Variants in KCNQ3 observed in about 807,000 individuals in gnomAD.
KCNQ3 encodes potassium voltage-gated channel subfamily KQT member 3.
In KCNQ3, 30 loss-of-function variants were observed where a neutral mutation model predicts 92.5. That is an observed-to-expected ratio of 0.32 (90% CI 0.24 to 0.44). The LOEUF is 0.44. Ranked by LOEUF, KCNQ3 falls within the 20% of genes least tolerant of loss-of-function variation. The pLI is 1.00. For missense variants in KCNQ3, 913 were observed against 1,140.3 expected (o/e 0.80, Z 2.87); for synonymous variants, 450 against 468.8 (o/e 0.96, Z 0.52).
At position 132,303,581 on chromosome 8, in the gene KCNQ3, G is replaced by GATATATATATA. The variant is rs1563849732; in HGVS notation, c.387-117401_387-117400insTATATATATAT. On this transcript the variant is annotated intron_variant, in intron 1 of 14. Transcript: ENST00000388996. ...AGAAAATGTGATATATATATATATG[G>GATATATATATA]TGTGTGTGTATATATATATGGTGTG... Among the ~76,000 whole-genome samples, 19 of 19,576 alleles carry GATATATATATA rather than the reference G, an allele frequency of 9.7e-4. 2 individuals carry two copies. The highest frequency in any genetic ancestry group is 4.2e-3 in the African/African-American group (18 of 4,258). 12.8% of individuals were successfully genotyped at this position (19,576 alleles called of 152,430 possible).
intron 6 of KCNQ3, 56 bp from the exon 7 acceptor site, chr8:132,172,749 C>A: frequency 1.6e-6 from 2 of 1,272,994 alleles, no homozygotes; most frequent in Non-Finnish European, 2.3e-6. Context: ...CCAGCATTCC[C>A]GCTCCATTGC....
At chr8:132,278,217 C>CAA in intron 1 of KCNQ3, 2 of 984,718 alleles carry the variant, frequency 2.0e-6, no homozygotes, top group Non-Finnish European at 2.4e-6. Flanking sequence ...AGACCAAAGA[C>CAA]AAAATTAGCA....
intron 1 of KCNQ3, among the ~76,000 whole-genome samples, chr8:132,327,755 A>T (rs1179756237): frequency 6.6e-6 from 1 of 152,222 alleles, no homozygotes; most frequent in Non-Finnish European, 1.5e-5. Flanking sequence ...AAGAGGCCTA[A>T]GGGGAAACCC....
chr8:132,203,863 A>T (rs183387257), intron 1 of KCNQ3, among the ~76,000 whole-genome samples: 196 of 152,356 alleles, frequency 1.3e-3, no homozygotes, highest in Non-Finnish European at 2.2e-3. Context: ...ATTATCACAT[A>T]ACATGGTGCC....
intron 1 of KCNQ3, among the ~76,000 whole-genome samples, chr8:132,392,023 C>A (rs182104991): frequency 1.3e-5 from 2 of 152,294 alleles, no homozygotes; most frequent in East Asian, 3.9e-4. Context: ...TTTATCGGCA[C>A]GCATCCTGCT....
chr8:132,338,696 C>A (rs116918729), intron 1 of KCNQ3, among the ~76,000 whole-genome samples: 22 of 152,098 alleles, frequency 1.4e-4, no homozygotes, highest in Admixed American at 2.0e-4. Context: ...AGGAACACAC[C>A]GGTTGTTTGT....
chr8:132,355,439 T>G lies in KCNQ3; in HGVS notation c.386+124708A>C. ...AGGCCCCTGACCCAAGCTGAGCCAA[T>G]CAGAATAGTTCACTCTCTGTCACAG... On this transcript the variant is annotated intron_variant, in intron 1 of 14. Coordinates refer to ENST00000388996, the MANE Select transcript of KCNQ3 (RefSeq NM_004519.4). 1.3e-5 allele frequency among the ~76,000 whole-genome samples: 2 copies of G among 151,870 alleles called. 1 individual carries two copies. Among genetic ancestry groups the G allele is most frequent in the Non-Finnish European group, 2.9e-5 (2 of 67,982 alleles).
chr8:132,232,585 G>C (rs1278588227), intron 1 of KCNQ3, among the ~76,000 whole-genome samples: 1 of 152,192 alleles, frequency 6.6e-6, no homozygotes, highest in East Asian at 1.9e-4. Context: ...AACTAACACA[G>C]TGGGCACATA....
At chr8:132,393,568 G>C (rs2130774007) in intron 1 of KCNQ3, among the ~76,000 whole-genome samples, 1 of 152,294 alleles carries the variant, frequency 6.6e-6, no homozygotes, top group South Asian at 2.1e-4. Flanking sequence ...ATAATGCCTG[G>C]TGCATAGTAG....
chr8:132,314,765 TAATCCA>T (rs1817691274), intron 1 of KCNQ3, among the ~76,000 whole-genome samples: 1 of 152,246 alleles, frequency 6.6e-6, no homozygotes, highest in Non-Finnish European at 1.5e-5. Flanking sequence ...GCGTTTTCTC[TAATCCA>T]AATACCAAAA....
chr8:132,174,145 A>G, intron 6 of KCNQ3, 94 bp downstream of exon 6: 2 of 870,738 alleles, frequency 2.3e-6, no homozygotes, highest in South Asian at 2.9e-5. Context: ...AGGGTATAAG[A>G]GGATAGAAGA....
intron 1 of KCNQ3, among the ~76,000 whole-genome samples, chr8:132,461,785 AG>A: frequency 6.6e-6 from 1 of 152,338 alleles, no homozygotes; most frequent in Admixed American, 6.5e-5. Context: ...AATTATATTC[AG>A]CATCATTTCA....
At chr8:132,278,202 T>C in intron 1 of KCNQ3, 1 of 985,290 alleles carries the variant, frequency 1.0e-6, no homozygotes, top group Non-Finnish European at 1.2e-6. Context: ...TCACATAGGA[T>C]GGTAAGACCA....
In KCNQ3 at chr8:132,161,646, C is replaced by G. The variant is rs549718575; in HGVS notation, c.1262+1822G>C. ...GACTTCATCTCAAAAAAACAAAAAA[C>G]AAAAAAGAAAAAGAAAAAGAAAAAA... On this transcript the variant is annotated intron_variant, in intron 9 of 14. Coordinates refer to ENST00000388996, the MANE Select transcript of KCNQ3 (RefSeq NM_004519.4). Among the ~76,000 whole-genome samples, 4 of 146,076 alleles carry G rather than the reference C, an allele frequency of 2.7e-5. No individual in the cohort carries two copies. The South Asian group carries it at 8.9e-4, about 32-fold the overall frequency.
At chr8:132,255,118 C>T (rs968994333) in intron 1 of KCNQ3, among the ~76,000 whole-genome samples, 1 of 151,930 alleles carries the variant, frequency 6.6e-6, no homozygotes, top group Middle Eastern at 3.2e-3. Flanking sequence ...CCCCTCCCCC[C>T]CACCTCATGA....
At position 132,123,241 on chromosome 8, in the gene KCNQ3, C is replaced by G. The variant is rs1387226063; in HGVS notation, c.*6021G>C. The stretch of plus-strand genomic sequence containing the variant: ...CAAGTGATGGGCCAAAAAGGTGAAC[C>G]AGTCCAAACATGGCAGGACCAAGAA... On this transcript the variant is annotated 3_prime_UTR_variant, in exon 15 of 15. Transcript: ENST00000388996. The G allele has an allele frequency of 1.3e-5, 2 of 152,372 alleles. No individual in the cohort carries two copies. Among genetic ancestry groups the G allele is most frequent in the African/African-American group, 4.8e-5 (2 of 41,430 alleles). The allele number at this position is 152,372 out of a possible 1,614,324, so 9.4% of individuals were successfully genotyped here.
chr8:132,156,321 A>AAAGT (rs1825794458), intron 9 of KCNQ3, among the ~76,000 whole-genome samples: 1 of 152,020 alleles, frequency 6.6e-6, no homozygotes. Context: ...GGAGACACAG[A>AAAGT]AAGTTTGCAT....
chr8:132,282,875 G>A, intron 1 of KCNQ3, among the ~76,000 whole-genome samples: 1 of 152,208 alleles, frequency 6.6e-6, no homozygotes, highest in East Asian at 1.9e-4. Flanking sequence ...AGGGTGCTCA[G>A]AGGCCACAGG....
chr8:132,347,154 T>C (rs1234183924), intron 1 of KCNQ3, among the ~76,000 whole-genome samples: 1 of 152,198 alleles, frequency 6.6e-6, no homozygotes, highest in Non-Finnish European at 1.5e-5. Context: ...CCCTGGAGTC[T>C]GTAGTTCTCA....
Sources: gnomAD v4.1 joint callset for allele counts (sites outside exome capture counted in the v4.1 genomes callset) on GRCh38, gnomAD v4.1.1 for gene constraint, MANE v1.5 for transcripts, NCBI Gene and HGNC (gene_info 2026-07-23, HGNC 2026-07-21) for gene names.